PEBP4: variants seen among roughly 807,000 people sequenced by gnomAD.
The protein encoded by PEBP4 is phosphatidylethanolamine binding protein 4, also known as phosphatidylethanolamine-binding protein 4.
Under a neutral mutation model 23.9 loss-of-function variants are expected in PEBP4, and 22 were observed. The ratio of observed to expected loss-of-function variants is 0.92; its 90% CI spans 0.66 to 1.31. The LOEUF (loss-of-function observed/expected upper bound fraction) is 1.31, where lower values mean the gene tolerates loss of function less well. Among genes scored for constraint, PEBP4 ranks in the 40% most tolerant of loss-of-function variants. The pLI, the probability that PEBP4 is intolerant of heterozygous loss-of-function variation, is 0.00. For synonymous variants in PEBP4, 112 were observed against 99.3 expected, an observed-to-expected ratio of 1.13 and a Z score of -0.76; for missense variants, 324 against 281.7, an observed-to-expected ratio of 1.15 and a Z score of -1.07.
At chr8:22,728,604 C>CTTCCTTCT (rs1804671819) in intron 4 of PEBP4, among the ~76,000 whole-genome samples, 5 of 121,388 alleles carry the variant, frequency 4.1e-5, no homozygotes, top group African/African-American at 1.4e-4. Flanking sequence ...TCCTTCCTTC[C>CTTCCTTCT]TTCCTTCCCT....
intron 4 of PEBP4, among the ~76,000 whole-genome samples, chr8:22,788,555 A>T (rs1482411402): frequency 6.6e-6 from 1 of 152,162 alleles, no homozygotes; most frequent in Non-Finnish European, 1.5e-5. Flanking sequence ...AAATACCTAC[A>T]CGTGTCCCAT....
At chr8:22,738,478 G>A (rs575081291) in intron 4 of PEBP4, among the ~76,000 whole-genome samples, 39 of 152,326 alleles carry the variant, frequency 2.6e-4, no homozygotes, top group East Asian at 1.2e-3. Context: ...AGCAAGGGAA[G>A]CGCAGCAGTG....
chr8:22,777,151 G>A (rs530994203), intron 4 of PEBP4, among the ~76,000 whole-genome samples: 1 of 152,148 alleles, frequency 6.6e-6, no homozygotes, highest in South Asian at 2.1e-4. Flanking sequence ...GCTCATGAGG[G>A]AGGGAGGGTG....
chr8:22,741,084 T>C (rs1396259940), intron 4 of PEBP4, among the ~76,000 whole-genome samples: 1 of 152,162 alleles, frequency 6.6e-6, no homozygotes, highest in Non-Finnish European at 1.5e-5. Context: ...CCGTGTTGCC[T>C]ATAGACCAGA....
chr8:22,898,149 TGGGAAGCCGA>T (rs1461078920), intron 3 of PEBP4, among the ~76,000 whole-genome samples: 2 of 151,496 alleles, frequency 1.3e-5, no homozygotes, highest in African/African-American at 4.9e-5. Flanking sequence ...CCCAGCACTT[TGGGAAGCCGA>T]GGCGGGTGGA....
At chr8:22,799,197 C>T (rs909321551) in intron 4 of PEBP4, among the ~76,000 whole-genome samples, 5 of 152,170 alleles carry the variant, frequency 3.3e-5, no homozygotes, top group African/African-American at 1.2e-4. Context: ...CCCCTCCTGC[C>T]GTCCTCCCTT....
chr8:22,755,467 C>G (rs1016786064), intron 4 of PEBP4, among the ~76,000 whole-genome samples: 1 of 151,220 alleles, frequency 6.6e-6, no homozygotes. Flanking sequence ...TCCTGAGTAG[C>G]TGGGATTACA....
At chr8:22,811,188 T>C (rs1048653014) in intron 4 of PEBP4, among the ~76,000 whole-genome samples, 6 of 152,314 alleles carry the variant, frequency 3.9e-5, no homozygotes, top group African/African-American at 1.4e-4. Flanking sequence ...AATATTTTAA[T>C]GACTCATTGA....
intron 3 of PEBP4, among the ~76,000 whole-genome samples, chr8:22,917,259 G>A (rs1809097527): frequency 6.6e-6 from 1 of 152,108 alleles, no homozygotes; most frequent in African/African-American, 2.4e-5. Flanking sequence ...AGGCCCAGAA[G>A]AAATACCTTC....
intron 3 of PEBP4, among the ~76,000 whole-genome samples, chr8:22,883,307 C>T (rs1808302460): frequency 1.3e-5 from 2 of 152,210 alleles, no homozygotes; most frequent in African/African-American, 2.4e-5. Flanking sequence ...ATCAGTTTCT[C>T]ACACTGAGAT....
At chr8:22,796,142 G>A (rs1432780679) in intron 4 of PEBP4, among the ~76,000 whole-genome samples, 3 of 152,228 alleles carry the variant, frequency 2.0e-5, no homozygotes, top group Non-Finnish European at 4.4e-5. Flanking sequence ...GACGCTTAGA[G>A]TCTAATGTTG....
At chr8:22,735,809 A>G (rs1279527202) in intron 4 of PEBP4, among the ~76,000 whole-genome samples, 1 of 152,264 alleles carries the variant, frequency 6.6e-6, no homozygotes, top group African/African-American at 2.4e-5. Flanking sequence ...CACTCAGAGC[A>G]GGTAACTCTT....
intron 3 of PEBP4, among the ~76,000 whole-genome samples, chr8:22,890,245 AGAGTCT>A (rs888957242): frequency 3.3e-5 from 5 of 152,234 alleles, no homozygotes; most frequent in African/African-American, 9.6e-5. Context: ...TGAACACTCA[AGAGTCT>A]GAGACTTTCA....
chr8:22,794,761 C>T (rs1321621622), intron 4 of PEBP4, among the ~76,000 whole-genome samples: 2 of 152,134 alleles, frequency 1.3e-5, no homozygotes, highest in East Asian at 3.8e-4. Flanking sequence ...AATTATTTCA[C>T]TTCTACTTTT....
rs1325634144 is a variant in PEBP4, at chr8:22,724,924, C to T, written c.436G>A (p.Gly146Ser). The T allele has an allele frequency of 4.3e-6, 7 of 1,613,990 alleles. No homozygotes were observed. The highest frequency in any genetic ancestry group is 5.9e-6 in the Non-Finnish European group (7 of 1,180,028). ...YQAPSPPAHS[G>S]FHRYQFFVYL... ...ACAAAGAACTGGTAGCGATGGAAGC[C>T]ACTGTGTGCCGGTGGGGAGGGAGCC... The change falls in exon 6 of 7, where the codon GGC becomes AGC. Residue 146 changes from glycine to serine, a missense_variant. Physicochemically the swap from Gly to Ser is moderately conservative, Grantham distance 56. Coordinates refer to ENST00000256404, the MANE Select transcript of PEBP4 (RefSeq NM_144962.3).
chr8:22,904,643 ACATTTT>A (rs1808775169), intron 3 of PEBP4, among the ~76,000 whole-genome samples: 1 of 152,192 alleles, frequency 6.6e-6, no homozygotes. Flanking sequence ...TCCAATGTTA[ACATTTT>A]GATATATTCT....
intron 3 of PEBP4, among the ~76,000 whole-genome samples, chr8:22,867,861 C>G (rs1807936718): frequency 6.6e-6 from 1 of 152,146 alleles, no homozygotes; most frequent in Non-Finnish European, 1.5e-5. Flanking sequence ...GGGTGAGGAC[C>G]ACATCTGGCA....
Position 22,727,238 on chromosome 8 carries a change from C to T in PEBP4, c.358-18G>A. The T allele has an allele frequency of 6.2e-7, 1 of 1,612,736 alleles. No individual in the cohort carries two copies. Among genetic ancestry groups the T allele is most frequent in the Non-Finnish European group, 8.5e-7 (1 of 1,179,616 alleles). ...TCGGCGCCCTGAAAGAAGAGACAAG[C>T]AGGGCTGTAGGTTATGTCTTGGGCA... On this transcript the variant is annotated intron_variant, in intron 4 of 6. Transcript: ENST00000256404.
intron 6 of PEBP4, among the ~76,000 whole-genome samples, chr8:22,717,742 C>A (rs1204534664): frequency 6.6e-6 from 1 of 152,176 alleles, no homozygotes; most frequent in Non-Finnish European, 1.5e-5. Flanking sequence ...CTTCCCTGGC[C>A]TCGCTGCCTC....
Sources: gnomAD v4.1 joint callset for allele counts (sites outside exome capture counted in the v4.1 genomes callset) on GRCh38, gnomAD v4.1.1 for gene constraint, MANE v1.5 for transcripts, NCBI Gene and HGNC (gene_info 2026-07-23, HGNC 2026-07-21) for gene names.